The following SLC25A3 variants were observed in gnomAD, a reference collection of about 807,000 sequenced individuals.
SLC25A3 encodes the protein solute carrier family 25 member 3.
Under a neutral mutation model 37.1 loss-of-function variants are expected in SLC25A3, and 14 were observed. The ratio of observed to expected loss-of-function variants is 0.38; its 90% confidence interval spans 0.25 to 0.59. The LOEUF (loss-of-function observed/expected upper bound fraction) is 0.59. SLC25A3 is among the 20% of genes least tolerant of loss of function. The pLI is 0.67. For missense variants in SLC25A3, 385 were observed against 458.1 expected (o/e 0.84, Z 1.46); for synonymous variants, 161 against 168.7 (o/e 0.95, Z 0.36).
At position 98,601,391 on chromosome 12, in the gene SLC25A3, C is replaced by T; in HGVS notation, c.949C>T (p.Arg317Cys). The change falls in exon 8 of 8, where the codon CGT becomes TGT. Residue 317 changes from arginine to cysteine, a missense_variant. Coordinates refer to ENST00000552981, the MANE Select transcript of SLC25A3 (RefSeq NM_002635.4). ...FKGVWKGLFA[R>C]IIMIGTLTAL... ...AGGTGTATGGAAGGGACTGTTTGCC[C>T]GTATCATCATGATTGGTACCCTGAC... 3 of 1,613,802 alleles carry T rather than the reference C, an allele frequency of 1.9e-6. No homozygotes were observed. The highest frequency in any genetic ancestry group is 2.5e-6 in the Non-Finnish European group (3 of 1,179,892).
At chr12:98,595,705 G>A in intron 2 of SLC25A3, 22 bp from the exon 3 acceptor site, 3 of 1,614,060 alleles carry the variant, frequency 1.9e-6, no homozygotes, top group Non-Finnish European at 2.5e-6. Context: ...TAAAATGCAT[G>A]GTGTGTCTTC....
Position 98,601,199 on chromosome 12 carries a change from C to T in SLC25A3, c.843C>T (p.His281=). ...IAGVFCAIVS[H]PADSVVSVLN... ...GAGTCTTTTGTGCAATTGTTTCTCACCCTGCTGATTCTGTGGTATCTGTGT... is the reference window on the plus strand; with the variant it reads ...GAGTCTTTTGTGCAATTGTTTCTCATCCTGCTGATTCTGTGGTATCTGTGT... The change falls in exon 7 of 8, where the codon CAC becomes CAT. Residue 281 remains histidine, a synonymous_variant. Coordinates refer to ENST00000552981, the MANE Select transcript of SLC25A3 (RefSeq NM_002635.4). 6.2e-7 allele frequency: 1 copy of T among 1,613,202 alleles called. No homozygotes were observed. Among genetic ancestry groups the T allele is most frequent in the Non-Finnish European group, 8.5e-7 (1 of 1,179,642 alleles).
Position 98,601,292 on chromosome 12 carries a change from GTT to G in SLC25A3, c.925+17_925+18del, listed in dbSNP as rs778050686. 1.9e-6 allele frequency: 3 copies of G among 1,613,858 alleles called. No individual in the cohort carries two copies. In the East Asian group the frequency reaches 6.7e-5, roughly 36 times the overall value. On this transcript the variant is annotated intron_variant, in intron 7 of 7. Transcript: ENST00000552981. The stretch of plus-strand genomic sequence containing the variant: ...GACTTGGATTTAAAGGTAGGATGAT[GTT>G]TTTTTCTTGAAAGAAAGAACAACAG...
chr12:98,601,969 T>C lies in SLC25A3; in HGVS notation c.*441T>C, dbSNP rs2097598273. On this transcript the variant is annotated 3_prime_UTR_variant, in exon 8 of 8. Transcript: ENST00000552981. ...AAATATGTGTAGTCATTTGTGGTTA[T>C]TTTGGCAAGTAAATGTCAGTGTATA... is the stretch of plus-strand genomic sequence containing the variant. 1 of 201,130 alleles carries C rather than the reference T, an allele frequency of 5.0e-6. No homozygotes were observed. The highest frequency in any genetic ancestry group is 7.8e-5 in the South Asian group (1 of 12,784). The allele number at this position is 201,130 out of a possible 1,614,324, so 12.5% of individuals were successfully genotyped here.
chr12:98,595,209 T>A, intron 2 of SLC25A3: 1 of 554,154 alleles, frequency 1.8e-6, no homozygotes, highest in South Asian at 2.2e-5. Context: ...TTAAAAAAAT[T>A]AATATGGCAG....
chr12:98,599,271 T>C (rs2097595700), intron 5 of SLC25A3, among the ~76,000 whole-genome samples: 2 of 152,072 alleles, frequency 1.3e-5, no homozygotes, highest in Non-Finnish European at 2.9e-5. Context: ...CAGGCTGGTC[T>C]CGAACTCCTG....
At position 98,603,842 on chromosome 12, in the gene SLC25A3, A is replaced by G. The variant is rs2097599619; in HGVS notation, c.*2314A>G. 1.3e-5 allele frequency: 2 copies of G among 152,208 alleles called. No homozygotes were observed. The highest frequency in any genetic ancestry group is 2.4e-5 in the African/African-American group (1 of 41,438). 9.4% of individuals were successfully genotyped at this position (152,208 alleles called of 1,614,324 possible). On this transcript the variant is annotated 3_prime_UTR_variant, in exon 8 of 8. Coordinates refer to ENST00000552981, the MANE Select transcript of SLC25A3 (RefSeq NM_002635.4). The stretch of plus-strand genomic sequence containing the variant: ...GCGAATTCTCATTTCAGGTTTTTAA[A>G]TTATACTAAAAGATTCTAGTAAGAA...
In SLC25A3 at chr12:98,604,783, G is replaced by T; in HGVS notation, c.*3255G>T. 1 of 152,262 alleles carries T rather than the reference G, an allele frequency of 6.6e-6. No individual in the cohort carries two copies. The highest frequency in any genetic ancestry group is 2.1e-4 in the South Asian group (1 of 4,830). 9.4% of individuals were successfully genotyped at this position (152,262 alleles called of 1,614,324 possible). On this transcript the variant is annotated 3_prime_UTR_variant, in exon 8 of 8. Coordinates refer to ENST00000552981, the MANE Select transcript of SLC25A3 (RefSeq NM_002635.4). ...CCCGTTTCGACCATATTTTATTTTT[G>T]AGAAGGTCTTGCTCTGTCGCCAGAC... is the stretch of plus-strand genomic sequence containing the variant.
intron 3 of SLC25A3, among the ~76,000 whole-genome samples, chr12:98,596,101 G>A (rs1316026135): frequency 2.0e-5 from 3 of 152,096 alleles, no homozygotes; most frequent in Admixed American, 6.6e-5. Flanking sequence ...ACTTCTGGCC[G>A]GAGTTCTTCA....
At position 98,597,900 on chromosome 12, in the gene SLC25A3, T is replaced by C. The variant is rs1260845315; in HGVS notation, c.324T>C (p.Val108=). 5 of 1,614,190 alleles carry C rather than the reference T, an allele frequency of 3.1e-6. No homozygotes were observed. In the East Asian group the frequency reaches 1.1e-4, roughly 36 times the overall value. ...AGGGCATATTTAACGGATTCTCAGT[T>C]ACACTTAAAGAGGATGGTGTTCGTG... is the stretch of plus-strand genomic sequence containing the variant. ...KYKGIFNGFS[V]TLKEDGVRGL... is the part of the protein sequence containing the mutation. Residue 108 remains valine (V), a synonymous_variant, in exon 4 of 8, where the codon GTT becomes GTC. Transcript: ENST00000552981.
rs902330772 is a variant in SLC25A3, at chr12:98,602,402, G to C, written c.*874G>C. The C allele has an allele frequency of 4.6e-5, 7 of 152,326 alleles. No homozygotes were observed. The highest frequency in any genetic ancestry group is 4.6e-4 in the Admixed American group (7 of 15,290). 9.4% of individuals were successfully genotyped at this position (152,326 alleles called of 1,614,324 possible). On this transcript the variant is annotated 3_prime_UTR_variant, in exon 8 of 8. Transcript: ENST00000552981. The stretch of plus-strand genomic sequence containing the variant: ...TGGTCTCGAACTTCCAACCTCAGGT[G>C]ATCCGCCCGCCTCAGCCTCCCAAAC...
At position 98,599,507 on chromosome 12, in the gene SLC25A3, C is replaced by G. The variant is rs1203303892; in HGVS notation, c.642-448C>G. 7.2e-6 allele frequency: 3 copies of G among 414,410 alleles called. No homozygotes were observed. In the East Asian group the frequency reaches 1.7e-4, roughly 24 times the overall value. The allele number at this position is 414,410 out of a possible 1,614,324, so 25.7% of individuals were successfully genotyped here. ...CCTGGACTGAGTTTTTTTTTTTTCC[C>G]TAGAGTAAGGACCATTTGTCGGTCT... On this transcript the variant is annotated intron_variant, in intron 5 of 7. Transcript: ENST00000552981.
At chr12:98,598,936 C>T (rs888341391) in intron 5 of SLC25A3, among the ~76,000 whole-genome samples, 6 of 151,644 alleles carry the variant, frequency 4.0e-5, no homozygotes, top group African/African-American at 9.7e-5. Context: ...CCACTGCGCC[C>T]AGCTAATTTT....
chr12:98,595,138 A>T, intron 2 of SLC25A3: 1 of 406,100 alleles, frequency 2.5e-6, no homozygotes, highest in Non-Finnish European at 4.6e-6. Context: ...GTGTGCTCTT[A>T]CCAGTGGTTA....
rs2097590336 is a variant in SLC25A3 at position 98,593,697 on chromosome 12, G to T, written c.-48G>T. On this transcript the variant is annotated 5_prime_UTR_variant, in exon 1 of 8. Transcript: ENST00000552981. ...GGAGGACGTCCGGCCTCTGTGAGCCGCAACCTTTCCAAGGGAGTGGTTGTG... is the reference window on the plus strand; with the variant it reads ...GGAGGACGTCCGGCCTCTGTGAGCCTCAACCTTTCCAAGGGAGTGGTTGTG... 2 of 530,060 alleles carry T rather than the reference G, an allele frequency of 3.8e-6. 1 individual carries two copies. The highest frequency in any genetic ancestry group is 4.1e-5 in the South Asian group (2 of 48,446). 32.8% of individuals were successfully genotyped at this position (530,060 alleles called of 1,614,324 possible).
Position 98,601,647 on chromosome 12 carries a change from A to G in SLC25A3, c.*119A>G. 1 of 727,460 alleles carries G rather than the reference A, an allele frequency of 1.4e-6. No individual in the cohort carries two copies. The highest frequency in any genetic ancestry group is 2.5e-6 in the Non-Finnish European group (1 of 405,808). The allele number at this position is 727,460 out of a possible 1,614,324, so 45.1% of individuals were successfully genotyped here. ...TGTCTATTCCTGATATAATTACTGT[A>G]GTACTCTTGCTTAAGGCAAGAGTTT... On this transcript the variant is annotated 3_prime_UTR_variant, in exon 8 of 8. Transcript: ENST00000552981.
Position 98,602,792 on chromosome 12 carries a change from T to C in SLC25A3, c.*1264T>C, listed in dbSNP as rs560964004. 2 of 152,352 alleles carry C rather than the reference T, an allele frequency of 1.3e-5. No individual in the cohort carries two copies. Among genetic ancestry groups the C allele is most frequent in the South Asian group, 4.1e-4 (2 of 4,828 alleles). 9.4% of individuals were successfully genotyped at this position (152,352 alleles called of 1,614,324 possible). ...CTAGATTTTACCTAGAGTCCTTATG[T>C]GTAATACGTGGGTTGGTTAACAGTC... is the stretch of plus-strand genomic sequence containing the variant. On this transcript the variant is annotated 3_prime_UTR_variant, in exon 8 of 8. Coordinates refer to ENST00000552981, the MANE Select transcript of SLC25A3 (RefSeq NM_002635.4).
chr12:98,595,576 A>G (rs1378503858), intron 2 of SLC25A3, 151 bp from the exon 3 acceptor site: 2 of 1,613,894 alleles, frequency 1.2e-6, no homozygotes, highest in African/African-American at 1.3e-5. Flanking sequence ...TGCATGCTGG[A>G]CTAGAGCATA....
rs199899209 is a variant in SLC25A3 at position 98,600,147 on chromosome 12, C to G, written c.814+20C>G. 61 of 1,424,604 alleles carry G rather than the reference C, an allele frequency of 4.3e-5. No individual in the cohort carries two copies. In the Middle Eastern group the frequency reaches 5.2e-4, roughly 12 times the overall value. 88.2% of individuals were successfully genotyped at this position (1,424,604 alleles called of 1,614,324 possible). A position where few individuals can be genotyped will look rare whatever the true frequency, so the allele number is the denominator to read the frequency against. ...ACATAGGTACGAATTACTTAGAACA[C>G]ACTTGTCTGAAATTATGAACAAATA... On this transcript the variant is annotated intron_variant, in intron 6 of 7. Coordinates refer to ENST00000552981, the MANE Select transcript of SLC25A3 (RefSeq NM_002635.4).
Sources: gnomAD v4.1 joint callset for allele counts (sites outside exome capture counted in the v4.1 genomes callset) on GRCh38, gnomAD v4.1.1 for gene constraint, MANE v1.5 for transcripts, NCBI Gene and HGNC (gene_info 2026-07-23, HGNC 2026-07-21) for gene names.